The following KLF12 variants were observed in gnomAD, a reference collection of about 807,000 sequenced individuals.
KLF12 encodes KLF transcription factor 12.
In KLF12, 9 loss-of-function variants were observed where a neutral mutation model predicts 37.8. The observed-to-expected ratio is 0.24, with a 90% confidence interval of 0.14 to 0.42. KLF12 has a LOEUF of 0.42. KLF12 is among the 10% of genes least tolerant of loss of function. The pLI, the probability that KLF12 is intolerant of heterozygous loss-of-function variation, is 1.00. For synonymous variants in KLF12, 208 were observed against 202.1 expected (o/e 1.03, Z -0.25); for missense variants, 411 against 516.0 (o/e 0.80, Z 1.97).
intron 6 of KLF12, among the ~76,000 whole-genome samples, chr13:73,716,011 A>C (rs1875775351): frequency 6.6e-6 from 1 of 152,220 alleles, no homozygotes; most frequent in Admixed American, 6.5e-5. Flanking sequence ...TTTCTAAACA[A>C]GGGAGTCAGG....
At chr13:74,297,327 T>C in the KLF12 span, among the ~76,000 whole-genome samples, 1 of 152,174 alleles carries the variant, frequency 6.6e-6, no homozygotes, top group African/African-American at 2.4e-5. Flanking sequence ...GCCAAATATA[T>C]ACAGAAACAC....
the KLF12 span, among the ~76,000 whole-genome samples, chr13:74,239,736 C>A: frequency 1.3e-5 from 2 of 150,868 alleles, no homozygotes; most frequent in Non-Finnish European, 3.0e-5. Context: ...GGTTTAAAGT[C>A]TGTTTTATCA....
At chr13:74,057,397 C>G (rs1416486070) in intron 1 of KLF12, among the ~76,000 whole-genome samples, 1 of 152,194 alleles carries the variant, frequency 6.6e-6, no homozygotes, top group Non-Finnish European at 1.5e-5. Context: ...CCTCCCATCC[C>G]TAATCTCACT....
chr13:74,176,614 T>A, the KLF12 span, among the ~76,000 whole-genome samples: 2 of 152,152 alleles, frequency 1.3e-5, no homozygotes, highest in Non-Finnish European at 2.9e-5. Context: ...TTTCCCTCAT[T>A]ATATCCACTG....
At chr13:74,061,002 T>C (rs1873561038) in intron 1 of KLF12, among the ~76,000 whole-genome samples, 1 of 152,216 alleles carries the variant, frequency 6.6e-6, no homozygotes, top group Admixed American at 6.5e-5. Context: ...TAGACCTTGG[T>C]CCCTGGGTTA....
intron 6 of KLF12, among the ~76,000 whole-genome samples, chr13:73,737,448 C>A (rs182114402): frequency 1.6e-4 from 24 of 152,242 alleles, no homozygotes; most frequent in African/African-American, 5.3e-4. Context: ...TTTAGCAGCC[C>A]TGGATTCCAG....
intron 3 of KLF12, among the ~76,000 whole-genome samples, chr13:73,934,465 CTTTTA>C (rs1256756906): frequency 6.6e-6 from 1 of 152,100 alleles, no homozygotes; most frequent in Non-Finnish European, 1.5e-5. Flanking sequence ...TTTTTAAATT[CTTTTA>C]TATTGACCCA....
At chr13:74,085,410 C>A (rs1162109901) in intron 1 of KLF12, among the ~76,000 whole-genome samples, 1 of 152,210 alleles carries the variant, frequency 6.6e-6, no homozygotes, top group Non-Finnish European at 1.5e-5. Flanking sequence ...ACAAGCACCA[C>A]CATAAATGCC....
chr13:74,256,688 TTGTGTGTGTGTG>T, the KLF12 span, among the ~76,000 whole-genome samples: 29,260 of 147,974 alleles, frequency 0.2, 4,231 homozygotes, highest in African/African-American at 0.41. Flanking sequence ...TGAGTAGAGC[TTGTGTGTGTGTG>T]TGTGTGTGTG....
chr13:74,032,516 C>T (rs528308403), intron 1 of KLF12, among the ~76,000 whole-genome samples: 12 of 152,246 alleles, frequency 7.9e-5, no homozygotes, highest in East Asian at 1.9e-4. Flanking sequence ...GCCTACAGAA[C>T]GTGTTCTACT....
At chr13:74,089,405 T>C (rs1875513991) in intron 1 of KLF12, among the ~76,000 whole-genome samples, 1 of 152,134 alleles carries the variant, frequency 6.6e-6, no homozygotes, top group African/African-American at 2.4e-5. Flanking sequence ...CAAATATAAG[T>C]GTATATTTAG....
chr13:74,187,424 T>G, the KLF12 span, among the ~76,000 whole-genome samples: 1 of 152,144 alleles, frequency 6.6e-6, no homozygotes, highest in Non-Finnish European at 1.5e-5. Flanking sequence ...TGTCCTCGTT[T>G]GTAACCGGGG....
intron 1 of KLF12, among the ~76,000 whole-genome samples, chr13:74,110,153 G>A (rs1876892466): frequency 6.6e-6 from 1 of 152,148 alleles, no homozygotes; most frequent in South Asian, 2.1e-4. Flanking sequence ...TATTTCCAAA[G>A]AAAGCATTTC....
chr13:73,956,214 A>G (rs1307821513), intron 2 of KLF12, among the ~76,000 whole-genome samples: 1 of 152,230 alleles, frequency 6.6e-6, no homozygotes, highest in Non-Finnish European at 1.5e-5. Context: ...CCATAAAAAT[A>G]GAAACAGTAT....
chr13:73,832,320 T>C (rs1198879759), intron 4 of KLF12, among the ~76,000 whole-genome samples: 1 of 152,188 alleles, frequency 6.6e-6, no homozygotes, highest in East Asian at 1.9e-4. Context: ...AAATGCCACC[T>C]ACTCTCCCCT....
At chr13:74,173,349 C>G in the KLF12 span, among the ~76,000 whole-genome samples, 1 of 152,192 alleles carries the variant, frequency 6.6e-6, no homozygotes, top group Admixed American at 6.5e-5. Context: ...CTCTCCGAAG[C>G]TTCTTTCTTC....
chr13:74,073,739 T>C (rs1279244304), intron 1 of KLF12, among the ~76,000 whole-genome samples: 1 of 152,170 alleles, frequency 6.6e-6, no homozygotes, highest in Non-Finnish European at 1.5e-5. Flanking sequence ...GGGAATGCAG[T>C]GTGAGGGAAG....
chr13:73,828,833 C>T (rs1440039785), intron 4 of KLF12, among the ~76,000 whole-genome samples: 1 of 152,152 alleles, frequency 6.6e-6, no homozygotes, highest in Non-Finnish European at 1.5e-5. Context: ...TTGAACAATA[C>T]CAACTTATCT....
At chr13:73,971,047 T>C (rs1227690765) in intron 2 of KLF12, among the ~76,000 whole-genome samples, 1 of 152,198 alleles carries the variant, frequency 6.6e-6, no homozygotes, top group Non-Finnish European at 1.5e-5. Context: ...TTATGGATTT[T>C]TAAGTGTTAA....
Sources: allele counts gnomAD v4.1 joint callset (sites outside exome capture counted in the v4.1 genomes callset), GRCh38; gene constraint gnomAD v4.1.1; transcripts MANE v1.5; gene names NCBI Gene and HGNC (gene_info 2026-07-23, HGNC 2026-07-21).